The following THNSL2 variants were observed in gnomAD, a reference collection of about 807,000 sequenced individuals.
THNSL2 encodes threonine synthase-like 2.
Under a neutral mutation model 40.0 loss-of-function variants are expected in THNSL2, and 34 were observed. The observed-to-expected ratio is 0.85, with a 90% CI of 0.65 to 1.13. The LOEUF is 1.13. THNSL2 is among the 50% of genes most tolerant of loss of function. THNSL2 has a pLI of 0.00. For missense variants in THNSL2, 537 were observed against 608.8 expected, an observed-to-expected ratio of 0.88 and a Z score of 1.24; for synonymous variants, 241 against 247.5, an observed-to-expected ratio of 0.97 and a Z score of 0.25.
rs957378912 is a variant in THNSL2, at chr2:88,170,397, C to G, written c.-72C>G. Reference sequence around the variant, plus strand: ...GCGCACATTCGCAGCCCGGGCAGCCCTGCTGCGCACCGGGCCTCGCGCCCC... The same window carrying G: ...GCGCACATTCGCAGCCCGGGCAGCCGTGCTGCGCACCGGGCCTCGCGCCCC... On this transcript the variant is annotated 5_prime_UTR_variant, in exon 1 of 9. Coordinates refer to ENST00000674334, the MANE Select transcript of THNSL2 (RefSeq NM_018271.5). The G allele has an allele frequency of 1.4e-5, 2 of 138,440 alleles. No homozygotes were observed. Among genetic ancestry groups the G allele is most frequent in the African/African-American group, 5.9e-5 (2 of 34,172 alleles). 8.6% of individuals were successfully genotyped at this position (138,440 alleles called of 1,614,324 possible). A position where few individuals can be genotyped will look rare whatever the true frequency, so the allele number is the denominator to read the frequency against.
At chr2:88,182,569 A>C (rs1308486599) in intron 5 of THNSL2, 130 bp from the exon 6 acceptor site, 1 of 1,053,586 alleles carries the variant, frequency 9.5e-7, no homozygotes, top group African/African-American at 1.6e-5. Context: ...TTTTCTTGAT[A>C]GTGTCCTTTT....
At chr2:88,175,653 TACCCCA>T (rs1676846798) in intron 4 of THNSL2, 1 of 435,668 alleles carries the variant, frequency 2.3e-6, no homozygotes, top group Admixed American at 4.0e-5. Flanking sequence ...TTGAAAACCA[TACCCCA>T]AAAAATGCCA....
intron 7 of THNSL2, chr2:88,183,902 C>T (rs1677978001): frequency 6.6e-6 from 1 of 152,168 alleles, no homozygotes; most frequent in Admixed American, 6.5e-5. Context: ...CTCATACCAG[C>T]TCTCACCATT....
rs76063088 is a variant in THNSL2, at chr2:88,185,630, G to A, written c.1229+151G>A. The A allele has an allele frequency of 3.6e-3, 5,596 of 1,551,434 alleles. 184 individuals carry two copies. The African/African-American group carries it at 0.068, about 19-fold the overall frequency. ...GTGGAACTGTGCCTTGGAAACTGTG[G>A]GCCCAGAAGAGGGAGCGTGACAGAT... On this transcript the variant is annotated intron_variant, in intron 8 of 8. Transcript: ENST00000674334.
chr2:88,186,089 A>G lies in THNSL2; in HGVS notation c.1421A>G (p.Gln474Arg), dbSNP rs1448705069. 1.3e-6 allele frequency: 2 copies of G among 1,563,318 alleles called. No individual in the cohort carries two copies. Among genetic ancestry groups the G allele is most frequent in the African/African-American group, 2.7e-5 (2 of 73,942 alleles). Residue 474 changes from glutamine (Q) to arginine (R), a missense_variant, in exon 9 of 9, where the codon CAG (glutamine) becomes CGG (arginine). By Grantham distance (43) the Gln-to-Arg change is conservative. Transcript: ENST00000674334. The stretch of plus-strand genomic sequence containing the variant: ...GACACCATTGAGGACCTTAGCCGAC[A>G]GTGGAGGAGTCATGCCCTCAACACC... ...LRDTIEDLSR[Q>R]WRSHALNTSQ is the part of the protein sequence containing the mutation.
chr2:88,177,415 A>G (rs982780567), intron 4 of THNSL2, among the ~76,000 whole-genome samples: 3 of 152,214 alleles, frequency 2.0e-5, no homozygotes. Context: ...ATTAATTTCC[A>G]TGTACATTGT....
Position 88,186,317 on chromosome 2 carries a change from C to T in THNSL2, c.*194C>T. ...GTCACCAGGGAGGCTGAGTGAGGGG[C>T]TGTGAACAGTTGCCGGAAGCACCCC... is the stretch of plus-strand genomic sequence containing the variant. On this transcript the variant is annotated 3_prime_UTR_variant, in exon 9 of 9. Transcript: ENST00000674334. The T allele has an allele frequency of 1.6e-6, 1 of 617,622 alleles. No homozygotes were observed. Among genetic ancestry groups the T allele is most frequent in the Non-Finnish European group, 2.8e-6 (1 of 352,170 alleles). The allele number at this position is 617,622 out of a possible 1,614,324, so 38.3% of individuals were successfully genotyped here.
chr2:88,185,170 A>C (rs1678132968), intron 7 of THNSL2, among the ~76,000 whole-genome samples, 158 bp from the exon 8 acceptor site: 1 of 152,178 alleles, frequency 6.6e-6, no homozygotes, highest in African/African-American at 2.4e-5. Flanking sequence ...CAAAACTAGG[A>C]GGCCAGATTT....
Position 88,178,610 on chromosome 2 carries a change from T to C in THNSL2, c.572-173T>C, listed in dbSNP as rs1036318225. 2.0e-5 allele frequency among the ~76,000 whole-genome samples: 3 copies of C among 152,272 alleles called. 1 individual carries two copies. The South Asian group carries it at 6.2e-4, about 32-fold the overall frequency. ...GCATGATTTCTGTCCTTGAGGAGCT[T>C]AATACTGAGTCTAGATAGTGAGGCC... On this transcript the variant is annotated intron_variant, in intron 4 of 8. Coordinates refer to ENST00000674334, the MANE Select transcript of THNSL2 (RefSeq NM_018271.5).
At position 88,182,957 on chromosome 2, in the gene THNSL2, A is replaced by C. The variant is rs761687820; in HGVS notation, c.961A>C (p.Asn321His). ...ASAMDIQVPY[N>H]MERVFWLLSG... The stretch of plus-strand genomic sequence containing the variant: ...CTGACTTTCTGCTCAGGTGCCCTAC[A>C]ACATGGAGAGGGTGTTCTGGCTGCT... Residue 321 changes from asparagine (N) to histidine (H), a missense_variant, in exon 7 of 9, where the codon AAC becomes CAC. By Grantham distance (68) the Asn-to-His change is moderately conservative. Transcript: ENST00000674334. The C allele has an allele frequency of 1.6e-5, 26 of 1,614,122 alleles. No individual in the cohort carries two copies. The East Asian group carries it at 4.2e-4, about 26-fold the overall frequency.
Position 88,178,802 on chromosome 2 carries a change from G to A in THNSL2, c.591G>A (p.Glu197=), listed in dbSNP as rs1209594866. ...TGGCAGTGGAGGGAAACAGCGATGAGCTCGATGAGCCGATCAAGACTGTGT... is the reference window on the plus strand; with the variant it reads ...TGGCAGTGGAGGGAAACAGCGATGAACTCGATGAGCCGATCAAGACTGTGT... The part of the protein sequence containing the change: ...HVFGVEGNSD[E]LDEPIKTVFA... The change falls in exon 5 of 9, where the codon GAG becomes GAA. Residue 197 remains glutamate, a synonymous_variant. Coordinates refer to ENST00000674334, the MANE Select transcript of THNSL2 (RefSeq NM_018271.5). 5.0e-6 allele frequency: 8 copies of A among 1,614,020 alleles called. No individual in the cohort carries two copies. The African/African-American group carries it at 5.3e-5, about 11-fold the overall frequency.
At position 88,185,396 on chromosome 2, in the gene THNSL2, G is replaced by C; in HGVS notation, c.1146G>C (p.Trp382Cys). The change falls in exon 8 of 9, where the codon TGG becomes TGC. Residue 382 changes from tryptophan (W) to cysteine (C), a missense_variant. Trp to Cys is a radical substitution (Grantham distance 215). Transcript: ENST00000674334. ...EAITQTMGRC[W>C]DENQYLLCPH... Reference sequence around the variant, plus strand: ...TCACCCAGACCATGGGCCGCTGCTGGGATGAGAACCAGTACTTGCTGTGCC... The same window carrying C: ...TCACCCAGACCATGGGCCGCTGCTGCGATGAGAACCAGTACTTGCTGTGCC... 9 of 1,614,082 alleles carry C rather than the reference G, an allele frequency of 5.6e-6. No homozygotes were observed. Among genetic ancestry groups the C allele is most frequent in the Non-Finnish European group, 7.6e-6 (9 of 1,180,030 alleles).
chr2:88,182,628 A>C (rs894105424), intron 5 of THNSL2, 71 bp from the exon 6 acceptor site: 9 of 1,429,154 alleles, frequency 6.3e-6, no homozygotes, highest in Non-Finnish European at 8.3e-6. Flanking sequence ...ATTTTGATGA[A>C]GCCCAATTTA....
Position 88,179,221 on chromosome 2 carries a change from G to A in THNSL2, c.802+208G>A, listed in dbSNP as rs897555314. 4.6e-5 allele frequency among the ~76,000 whole-genome samples: 7 copies of A among 152,362 alleles called. No individual in the cohort carries two copies. In the South Asian group the frequency reaches 8.3e-4, roughly 18 times the overall value. On this transcript the variant is annotated intron_variant, in intron 5 of 8. Coordinates refer to ENST00000674334, the MANE Select transcript of THNSL2 (RefSeq NM_018271.5). ...GGGATCCTGCTGCCGGCAGCAGAGGGTGATGGCTTAACCCCACATGCTCCC... is the reference window on the plus strand; with the variant it reads ...GGGATCCTGCTGCCGGCAGCAGAGGATGATGGCTTAACCCCACATGCTCCC...
At chr2:88,179,826 G>C (rs1279046093) in intron 5 of THNSL2, among the ~76,000 whole-genome samples, 3 of 152,216 alleles carry the variant, frequency 2.0e-5, no homozygotes, top group African/African-American at 7.2e-5. Flanking sequence ...GTCATGCCCT[G>C]GTTACAGAGC....
At chr2:88,180,549 G>A (rs1025831880) in intron 5 of THNSL2, among the ~76,000 whole-genome samples, 1 of 150,614 alleles carries the variant, frequency 6.6e-6, no homozygotes, top group Non-Finnish European at 1.5e-5. Context: ...TCCAGCCTGG[G>A]TAACAGAGAG....
In THNSL2 at chr2:88,185,870, C is replaced by T. The variant is rs145001687; in HGVS notation, c.1230-28C>T. The T allele has an allele frequency of 5.2e-4, 812 of 1,569,186 alleles. 4 individuals are homozygous for T. The African/African-American group carries it at 8.7e-3, about 17-fold the overall frequency. ...ATCTCTCTATTCTCTCATTGTCCTC[C>T]GGGTGCCACCTGCCCCCATCCCCAC... On this transcript the variant is annotated intron_variant, in intron 8 of 8. Transcript: ENST00000674334.
In THNSL2 at chr2:88,186,469, G is replaced by C. The variant is rs1467877101; in HGVS notation, c.*346G>C. 4 of 281,566 alleles carry C rather than the reference G, an allele frequency of 1.4e-5. No individual in the cohort carries two copies. The highest frequency in any genetic ancestry group is 2.8e-5 in the Non-Finnish European group (4 of 144,446). The allele number at this position is 281,566 out of a possible 1,614,324, so 17.4% of individuals were successfully genotyped here. A position where few individuals can be genotyped will look rare whatever the true frequency, so the allele number is the denominator to read the frequency against. The stretch of plus-strand genomic sequence containing the variant: ...TTAGGACCCCAGACCTGTGAAGGTG[G>C]GAGCAGCTCACCACCTTCACGCAGG... On this transcript the variant is annotated 3_prime_UTR_variant, in exon 9 of 9. Coordinates refer to ENST00000674334, the MANE Select transcript of THNSL2 (RefSeq NM_018271.5).
chr2:88,174,743 T>G lies in THNSL2; in HGVS notation c.328T>G (p.Tyr110Asp). 6.2e-7 allele frequency: 1 copy of G among 1,614,174 alleles called. No homozygotes were observed. The highest frequency in any genetic ancestry group is 8.5e-7 in the Non-Finnish European group (1 of 1,180,044). The change falls in exon 3 of 9, where the codon TAT becomes GAT. Residue 110 changes from tyrosine (Y) to aspartate (D), a missense_variant. Tyr to Asp is a radical substitution (Grantham distance 160). Transcript: ENST00000674334. ...GTTGGAGCTGTGGCATGGCGTCACA[T>G]ATGCATTTAAGGACCTGTCCCTGTC... ...NVLELWHGVT[Y>D]AFKDLSLSCT...
Sources: allele counts gnomAD v4.1 joint callset (sites outside exome capture counted in the v4.1 genomes callset), GRCh38; gene constraint gnomAD v4.1.1; transcripts MANE v1.5; gene names NCBI Gene and HGNC (gene_info 2026-07-23, HGNC 2026-07-21).